CSNK1G3: variants seen among roughly 807,000 people sequenced by gnomAD.
CSNK1G3 encodes casein kinase I isoform gamma-3.
Under a neutral mutation model 64.3 loss-of-function variants are expected in CSNK1G3, and 23 were observed. That is an observed-to-expected ratio of 0.36 (90% CI 0.26 to 0.51). The LOEUF (loss-of-function observed/expected upper bound fraction) is 0.51, where lower values mean the gene tolerates loss of function less well. CSNK1G3 is among the 20% of genes least tolerant of loss of function. The pLI, the probability that CSNK1G3 is intolerant of heterozygous loss-of-function variation, is 0.96. For synonymous variants in CSNK1G3, 158 were observed against 162.2 expected, an observed-to-expected ratio of 0.97 and a Z score of 0.20; for missense variants, 357 against 510.5, an observed-to-expected ratio of 0.70 and a Z score of 2.90.
chr5:123,547,717 T>C (rs1782813674), intron 2 of CSNK1G3, among the ~76,000 whole-genome samples: 1 of 152,164 alleles, frequency 6.6e-6, no homozygotes, highest in Non-Finnish European at 1.5e-5. Context: ...TATGTTTATT[T>C]AAATTTATTT....
chr5:123,588,795 C>T (rs989422069), intron 8 of CSNK1G3, among the ~76,000 whole-genome samples: 4 of 151,960 alleles, frequency 2.6e-5, no homozygotes, highest in South Asian at 2.1e-4. Flanking sequence ...AAAATTTTTG[C>T]TAAGAAATGC....
At chr5:123,539,053 G>C (rs973367536) in intron 1 of CSNK1G3, among the ~76,000 whole-genome samples, 1 of 152,080 alleles carries the variant, frequency 6.6e-6, no homozygotes, top group Non-Finnish European at 1.5e-5. Context: ...TTGTTTCTCA[G>C]CCTGGCCTGG....
chr5:123,592,566 T>C (rs1471130999), intron 10 of CSNK1G3, among the ~76,000 whole-genome samples: 2 of 152,020 alleles, frequency 1.3e-5, no homozygotes, highest in African/African-American at 4.8e-5. Context: ...TTACAATCCA[T>C]TTTGGAGAAG....
intron 5 of CSNK1G3, 92 bp downstream of exon 5, chr5:123,573,633 T>A: frequency 8.6e-7 from 1 of 1,167,908 alleles, no homozygotes; most frequent in Non-Finnish European, 1.2e-6. Context: ...TGTGATATTG[T>A]CTTACAGAGC....
intron 1 of CSNK1G3, among the ~76,000 whole-genome samples, chr5:123,523,969 C>T (rs1778594826): frequency 6.6e-6 from 1 of 152,208 alleles, no homozygotes; most frequent in Non-Finnish European, 1.5e-5. Context: ...CACTGTATCA[C>T]CTGTCAAAAA....
rs116814389 is a variant in CSNK1G3, at chr5:123,604,676, G to A, written c.1087-48G>A. On this transcript the variant is annotated intron_variant, in intron 10 of 12. Transcript: ENST00000345990. ...ATTTAATATGTATGTATATTTATGA[G>A]CATGTGTGTGTACATATACATATAT... 4,650 of 902,416 alleles carry A rather than the reference G, an allele frequency of 5.2e-3. 142 individuals are homozygous for A. The African/African-American group carries it at 0.068, about 13-fold the overall frequency. 55.9% of individuals were successfully genotyped at this position (902,416 alleles called of 1,614,324 possible).
At chr5:123,600,635 A>G (rs1364464273) in intron 10 of CSNK1G3, among the ~76,000 whole-genome samples, 1 of 152,072 alleles carries the variant, frequency 6.6e-6, no homozygotes, top group African/African-American at 2.4e-5. Context: ...AAAAAAAAAA[A>G]AAAGAAAGAA....
chr5:123,576,013 A>G (rs185312883), intron 6 of CSNK1G3, 50 bp downstream of exon 6: 2 of 1,200,374 alleles, frequency 1.7e-6, no homozygotes, highest in East Asian at 2.4e-5. Context: ...CAGCTGTGCT[A>G]ACACTGTGAG....
At chr5:123,539,589 G>A (rs1278408361) in intron 1 of CSNK1G3, among the ~76,000 whole-genome samples, 1 of 152,012 alleles carries the variant, frequency 6.6e-6, no homozygotes, top group East Asian at 1.9e-4. Flanking sequence ...ATTTGCTTAT[G>A]TTGTGAAGAA....
rs565816269 is a variant in CSNK1G3, at chr5:123,544,051, A to G, written c.-247-1366A>G. On this transcript the variant is annotated intron_variant, in intron 1 of 12. Transcript: ENST00000345990. ...CATAGCCCTCCTGTGCAAAAATCTC[A>G]CAGTCCTCCTGTGCAAAAAACTCAC... 3.4e-4 allele frequency among the ~76,000 whole-genome samples: 51 copies of G among 152,190 alleles called. 1 individual carries two copies. In the South Asian group the frequency reaches 9.9e-3, roughly 30 times the overall value.
chr5:123,592,166 A>T (rs1350629531), intron 10 of CSNK1G3, among the ~76,000 whole-genome samples: 1 of 152,086 alleles, frequency 6.6e-6, no homozygotes, highest in African/African-American at 2.4e-5. Flanking sequence ...TTTTGACATG[A>T]ACCTAAAGAA....
chr5:123,590,436 G>A, exon 9 of CSNK1G3: 9 of 1,491,860 alleles, frequency 6.0e-6, no homozygotes, highest in Non-Finnish European at 8.1e-6. Flanking sequence ...TCTTCGTTAT[G>A]TAAGAAGGCT....
At chr5:123,516,937 G>GA (rs1240793888) in intron 1 of CSNK1G3, among the ~76,000 whole-genome samples, 1 of 151,742 alleles carries the variant, frequency 6.6e-6, no homozygotes, top group Non-Finnish European at 1.5e-5. Flanking sequence ...GCTACATTTG[G>GA]AAAAAAAGGG....
At chr5:123,591,506 A>G in intron 10 of CSNK1G3, 92 bp downstream of exon 10, 1 of 642,280 alleles carries the variant, frequency 1.6e-6, no homozygotes, top group Non-Finnish European at 2.6e-6. Context: ...AAGGATTGAA[A>G]ATACATATTT....
chr5:123,565,546 G>A (rs1408579689), intron 4 of CSNK1G3, among the ~76,000 whole-genome samples: 1 of 152,164 alleles, frequency 6.6e-6, no homozygotes, highest in Non-Finnish European at 1.5e-5. Context: ...TTCCTAATAA[G>A]TTTGTTAGTA....
chr5:123,542,887 T>TG (rs1554070088), intron 1 of CSNK1G3, among the ~76,000 whole-genome samples: 4 of 150,556 alleles, frequency 2.7e-5, no homozygotes, highest in African/African-American at 4.9e-5. Flanking sequence ...TGTGTGTGTG[T>TG]TTACCAAATT....
intron 12 of CSNK1G3, among the ~76,000 whole-genome samples, chr5:123,610,618 CTGTT>C: frequency 6.6e-6 from 1 of 152,226 alleles, no homozygotes; most frequent in East Asian, 1.9e-4. Flanking sequence ...TTTTGATTGC[CTGTT>C]TGTTGCCTAA....
chr5:123,609,171 C>A (rs1795879503), intron 12 of CSNK1G3, among the ~76,000 whole-genome samples: 1 of 152,074 alleles, frequency 6.6e-6, no homozygotes, highest in South Asian at 2.1e-4. Context: ...CCTTGGTAGC[C>A]AGTAACCAAA....
intron 10 of CSNK1G3, chr5:123,595,086 C>G: frequency 2.5e-6 from 4 of 1,613,708 alleles, no homozygotes; most frequent in Non-Finnish European, 3.4e-6. Flanking sequence ...CAAATCCCCA[C>G]CATTTGAGAG....
Sources: gnomAD v4.1 joint callset for allele counts (sites outside exome capture counted in the v4.1 genomes callset) on GRCh38, gnomAD v4.1.1 for gene constraint, MANE v1.5 for transcripts, NCBI Gene and HGNC (gene_info 2026-07-23, HGNC 2026-07-21) for gene names.